NCS1: variants seen among roughly 807,000 people sequenced by gnomAD.
NCS1 encodes frequenin homolog.
Under a neutral mutation model 28.4 loss-of-function variants are expected in NCS1, and 6 were observed. That is an observed-to-expected ratio of 0.21 (90% CI 0.12 to 0.42). NCS1 has a LOEUF of 0.42. Ranked by LOEUF, NCS1 falls within the 10% of genes least tolerant of loss-of-function variation. The pLI, the probability that NCS1 is intolerant of heterozygous loss-of-function variation, is 1.00. For missense variants in NCS1, 131 were observed against 241.4 expected (o/e 0.54, Z 3.03); for synonymous variants, 86 against 99.3 (o/e 0.87, Z 0.79).
chr9:130,182,373 C>T (rs13296190), intron 1 of NCS1, among the ~76,000 whole-genome samples: 54,367 of 152,114 alleles, frequency 0.36, 11,316 homozygotes, highest in Non-Finnish European at 0.47. Flanking sequence ...AGCGCCCAGT[C>T]CCTGGGAGCA....
At chr9:130,216,496 T>C (rs1285871537) in intron 2 of NCS1, among the ~76,000 whole-genome samples, 6 of 152,138 alleles carry the variant, frequency 3.9e-5, no homozygotes, top group African/African-American at 1.4e-4. Flanking sequence ...CGGGCAGATC[T>C]CCTGAGGTCA....
Position 130,233,621 on chromosome 9 carries a change from T to TA in NCS1, c.*649_*650insA, listed in dbSNP as rs1434227467. ...TTTGTGGGGAAAGTGAGGTTTTTTT[T>TA]TATATACATATATAATTGATATCTT... is the stretch of plus-strand genomic sequence containing the variant. On this transcript the variant is annotated 3_prime_UTR_variant, in exon 8 of 8. Coordinates refer to ENST00000372398, the MANE Select transcript of NCS1 (RefSeq NM_014286.4). The surrounding 1 kb of genome is among the most constrained non-coding windows in gnomAD (Gnocchi z 4.8). 1 of 152,246 alleles carries TA rather than the reference T, an allele frequency of 6.6e-6. No homozygotes were observed. Among genetic ancestry groups the TA allele is most frequent in the Non-Finnish European group, 1.5e-5 (1 of 67,956 alleles). The allele number at this position is 152,246 out of a possible 1,614,324, so 9.4% of individuals were successfully genotyped here.
intron 1 of NCS1, chr9:130,200,319 T>C (rs1268678387): frequency 5.7e-6 from 3 of 524,284 alleles, no homozygotes; most frequent in African/African-American, 5.7e-5. Context: ...GTTTCATGGC[T>C]CAGTAAAGAA....
rs1832816844 is a variant in NCS1 at position 130,191,602 on chromosome 9, C to T, written c.65-9356C>T. On this transcript the variant is annotated intron_variant, in intron 1 of 7. Coordinates refer to ENST00000372398, the MANE Select transcript of NCS1 (RefSeq NM_014286.4). This position sits in a 1 kb window ranked among gnomAD's most constrained non-coding sequence, Gnocchi z 6.4. The stretch of plus-strand genomic sequence containing the variant: ...GGGGCTCCCCTGATGAGCCCAGGTG[C>T]CTCATCCTGAGACAGATACAGCAAC... Among the ~76,000 whole-genome samples, 1 of 152,198 alleles carries T rather than the reference C, an allele frequency of 6.6e-6. No homozygotes were observed. The highest frequency in any genetic ancestry group is 6.5e-5 in the Admixed American group (1 of 15,284).
chr9:130,206,964 C>T (rs910048466), intron 2 of NCS1, among the ~76,000 whole-genome samples: 3 of 152,190 alleles, frequency 2.0e-5, no homozygotes, highest in African/African-American at 4.8e-5. Context: ...GTGGCTTCGA[C>T]AGCCTCCTGT....
chr9:130,203,939 T>G (rs1414250377), intron 2 of NCS1, among the ~76,000 whole-genome samples: 2 of 152,216 alleles, frequency 1.3e-5, no homozygotes, highest in Admixed American at 1.3e-4. Context: ...GGCTGGGATC[T>G]TGGGCTCCAG....
At chr9:130,223,876 C>G (rs1443764741) in intron 6 of NCS1, among the ~76,000 whole-genome samples, 1 of 151,980 alleles carries the variant, frequency 6.6e-6, no homozygotes, top group Admixed American at 6.6e-5. Flanking sequence ...GAATCTTCGC[C>G]CTGTCACCCA....
rs1293812581 is a variant in NCS1, at chr9:130,234,548, G to A, written c.*1576G>A. Reference sequence around the variant, plus strand: ...GAGGAGGCCCGGGCTGGTTGGTCTTGAAGGCCCTTTTCCATGCCGACATCA... The same window carrying A: ...GAGGAGGCCCGGGCTGGTTGGTCTTAAAGGCCCTTTTCCATGCCGACATCA... On this transcript the variant is annotated 3_prime_UTR_variant, in exon 8 of 8. Transcript: ENST00000372398. This position sits in a 1 kb window ranked among gnomAD's most constrained non-coding sequence, Gnocchi z 6.1. 6.6e-6 allele frequency: 1 copy of A among 152,374 alleles called. No individual in the cohort carries two copies. The highest frequency in any genetic ancestry group is 2.1e-4 in the South Asian group (1 of 4,836). The allele number at this position is 152,374 out of a possible 1,614,324, so 9.4% of individuals were successfully genotyped here.
chr9:130,224,468 G>T (rs1259603965), intron 6 of NCS1, among the ~76,000 whole-genome samples: 1 of 146,488 alleles, frequency 6.8e-6, no homozygotes, highest in African/African-American at 2.5e-5. Flanking sequence ...TGAGGGAGGA[G>T]AATTGCTTGA....
rs1055192500 is a variant in NCS1 at position 130,192,062 on chromosome 9, C to T, written c.65-8896C>T. Among the ~76,000 whole-genome samples, 2 of 152,182 alleles carry T rather than the reference C, an allele frequency of 1.3e-5. No individual in the cohort carries two copies. Among genetic ancestry groups the T allele is most frequent in the Non-Finnish European group, 2.9e-5 (2 of 68,030 alleles). ...TGCCCGGGAGCTCTGGGCAGCAGGCCAGGCCTCCTTTCTGGGGCAGCTCAG... is the reference window on the plus strand; with the variant it reads ...TGCCCGGGAGCTCTGGGCAGCAGGCTAGGCCTCCTTTCTGGGGCAGCTCAG... On this transcript the variant is annotated intron_variant, in intron 1 of 7. Transcript: ENST00000372398. This position sits in a 1 kb window ranked among gnomAD's most constrained non-coding sequence, Gnocchi z 4.8.
At chr9:130,200,836 T>G (rs887534) in intron 1 of NCS1, 122 bp from the exon 2 acceptor site, 1,270,622 of 1,480,730 alleles carry the variant, frequency 0.86, 545,956 homozygotes, top group East Asian at 0.95. Flanking sequence ...GAGCAGGCCG[T>G]TGCCCGGGGA....
chr9:130,207,230 G>A (rs750941311), intron 2 of NCS1, among the ~76,000 whole-genome samples: 48 of 152,320 alleles, frequency 3.2e-4, no homozygotes, highest in Middle Eastern at 3.4e-3. Flanking sequence ...TACAGCCTCT[G>A]CTAGAGCTTT....
chr9:130,185,885 C>A (rs782759854), intron 1 of NCS1, among the ~76,000 whole-genome samples: 2 of 152,242 alleles, frequency 1.3e-5, no homozygotes, highest in Non-Finnish European at 2.9e-5. Flanking sequence ...GCCTTTGCTG[C>A]GCCTGAGCGC....
rs1269051843 is a variant in NCS1 at position 130,189,891 on chromosome 9, T to A, written c.65-11067T>A. 1.8e-3 allele frequency among the ~76,000 whole-genome samples: 228 copies of A among 124,944 alleles called. 4 individuals are homozygous for A. Among genetic ancestry groups the A allele is most frequent in the African/African-American group, 7.7e-3 (217 of 28,166 alleles). 82.0% of individuals were successfully genotyped at this position (124,944 alleles called of 152,430 possible). ...AAAAAAAAAAAAAAATATATATATA[T>A]ATATATATATATATATATTCCCAAG... On this transcript the variant is annotated intron_variant, in intron 1 of 7. Transcript: ENST00000372398.
intron 1 of NCS1, among the ~76,000 whole-genome samples, chr9:130,179,472 A>C (rs1588107408): frequency 6.6e-6 from 1 of 152,300 alleles, no homozygotes. Flanking sequence ...ACATCTTTGC[A>C]TGAATGTCTT....
At chr9:130,222,780 G>A (rs1554910764) in intron 5 of NCS1, 42 bp downstream of exon 5, 2 of 1,582,094 alleles carry the variant, frequency 1.3e-6, no homozygotes, top group Non-Finnish European at 1.7e-6. Flanking sequence ...GGCAGGAGGG[G>A]CAAAGCCAGT....
At chr9:130,225,168 G>A (rs1374334125) in intron 6 of NCS1, among the ~76,000 whole-genome samples, 1 of 152,206 alleles carries the variant, frequency 6.6e-6, no homozygotes, top group Admixed American at 6.5e-5. Context: ...CTCCAGCCTG[G>A]GTGACAGAGT....
chr9:130,174,808 G>A (rs1385032824), intron 1 of NCS1, among the ~76,000 whole-genome samples: 16 of 70,580 alleles, frequency 2.3e-4, no homozygotes, highest in African/African-American at 4.2e-4. Context: ...AAAAAAAAAA[G>A]CTCTGCTGGG....
chr9:130,199,637 A>T (rs1190500255), intron 1 of NCS1, among the ~76,000 whole-genome samples: 1 of 152,146 alleles, frequency 6.6e-6, no homozygotes, highest in Non-Finnish European at 1.5e-5. Context: ...TCCTCCCTCC[A>T]TGCTGTCATA....
Sources: allele counts gnomAD v4.1 joint callset (sites outside exome capture counted in the v4.1 genomes callset), GRCh38; gene constraint gnomAD v4.1.1; non-coding constraint Gnocchi (gnomAD v3.1); transcripts MANE v1.5; gene names NCBI Gene and HGNC (gene_info 2026-07-23, HGNC 2026-07-21).